LUZP2: variants seen among roughly 807,000 people sequenced by gnomAD.
The protein encoded by LUZP2 is leucine zipper protein 2.
In LUZP2, 52 loss-of-function variants were observed where a neutral mutation model predicts 51.6. The ratio of observed to expected loss-of-function variants is 1.01; its 90% CI spans 0.81 to 1.27. The LOEUF is 1.27. LUZP2 is among the 50% of genes most tolerant of loss of function. LUZP2 has a pLI of 0.00. For synonymous variants in LUZP2, 154 were observed against 137.3 expected (o/e 1.12, Z -0.85); for missense variants, 436 against 395.4 (o/e 1.10, Z -0.87).
intron 1 of LUZP2, among the ~76,000 whole-genome samples, chr11:24,725,324 A>T (rs1272452060): frequency 4.6e-5 from 7 of 152,170 alleles, no homozygotes; most frequent in Admixed American, 4.6e-4. Flanking sequence ...GCCATATTAA[A>T]ATCAGCAGGG....
At chr11:24,751,557 A>T (rs1208489890) in intron 4 of LUZP2, 1 of 975,682 alleles carries the variant, frequency 1.0e-6, no homozygotes, top group Admixed American at 6.2e-5. Flanking sequence ...GGAAGGGTGG[A>T]GTCGTAGTAC....
chr11:24,937,390 G>C (rs1854614433), intron 7 of LUZP2, among the ~76,000 whole-genome samples: 1 of 152,082 alleles, frequency 6.6e-6, no homozygotes. Flanking sequence ...GCTCCTGTCA[G>C]TAAAATATGA....
chr11:24,541,257 GAAA>G (rs3077907), intron 1 of LUZP2, among the ~76,000 whole-genome samples: 7 of 114,180 alleles, frequency 6.1e-5, no homozygotes, highest in East Asian at 5.5e-4. Context: ...TCATCTCAAG[GAAA>G]AAAAAAAAAA....
intron 1 of LUZP2, among the ~76,000 whole-genome samples, chr11:24,548,904 G>A (rs1912139): frequency 0.42 from 63,582 of 151,596 alleles, 13,826 homozygotes; most frequent in African/African-American, 0.51. Context: ...TATTGTATAT[G>A]TTTCATGGTA....
chr11:25,063,009 A>G (rs1426634628), intron 10 of LUZP2, among the ~76,000 whole-genome samples: 1 of 151,388 alleles, frequency 6.6e-6, no homozygotes, highest in Non-Finnish European at 1.5e-5. Context: ...TTTGTTTTAA[A>G]TTTTGTATTT....
In LUZP2 at chr11:24,883,966, A is replaced by G. The variant is rs113228085; in HGVS notation, c.397-22025A>G. On this transcript the variant is annotated intron_variant, in intron 5 of 11. Coordinates refer to ENST00000336930, the MANE Select transcript of LUZP2 (RefSeq NM_001009909.4). ...TCTAGTCCCTCAACTGTGTTTCTAG[A>G]ATGAAGTGGCTTTATTGATGCTGGA... is the stretch of plus-strand genomic sequence containing the variant. Among the ~76,000 whole-genome samples the G allele has an allele frequency of 8.5e-5, 13 of 152,106 alleles. 1 individual carries two copies. The highest frequency in any genetic ancestry group is 3.1e-4 in the African/African-American group (13 of 41,550).
At chr11:24,624,300 G>C (rs1343264089) in intron 1 of LUZP2, among the ~76,000 whole-genome samples, 1 of 151,986 alleles carries the variant, frequency 6.6e-6, no homozygotes, top group Admixed American at 6.6e-5. Flanking sequence ...GTGTGTATTT[G>C]GTGCTGGTAA....
At chr11:24,802,891 G>A (rs1849734350) in intron 5 of LUZP2, among the ~76,000 whole-genome samples, 1 of 152,004 alleles carries the variant, frequency 6.6e-6, no homozygotes, top group Non-Finnish European at 1.5e-5. Context: ...GTTGAAGAGA[G>A]CATCCTCATC....
intron 1 of LUZP2, among the ~76,000 whole-genome samples, chr11:24,511,388 C>G (rs1995838): frequency 0.51 from 77,801 of 151,566 alleles, 21,733 homozygotes; most frequent in African/African-American, 0.75. Context: ...TCTGTCGCTA[C>G]AATTTTTTTA....
At chr11:24,808,874 AT>A (rs1485725454) in intron 5 of LUZP2, among the ~76,000 whole-genome samples, 6 of 152,214 alleles carry the variant, frequency 3.9e-5, no homozygotes, top group African/African-American at 1.4e-4. Context: ...TAGCTATAAT[AT>A]AATCAATTCA....
At chr11:24,543,868 T>A (rs1370024256) in intron 1 of LUZP2, among the ~76,000 whole-genome samples, 2 of 146,452 alleles carry the variant, frequency 1.4e-5, no homozygotes, top group African/African-American at 5.1e-5. Flanking sequence ...GACTGCAATA[T>A]TTCCGGGTAG....
At chr11:24,979,455 T>A (rs1384703992) in intron 8 of LUZP2, among the ~76,000 whole-genome samples, 3 of 151,884 alleles carry the variant, frequency 2.0e-5, no homozygotes, top group Non-Finnish European at 4.4e-5. Flanking sequence ...ATGAGGCTTT[T>A]AAAATACTAT....
chr11:24,660,928 T>C (rs1167488228), intron 1 of LUZP2, among the ~76,000 whole-genome samples: 1 of 152,200 alleles, frequency 6.6e-6, no homozygotes, highest in African/African-American at 2.4e-5. Flanking sequence ...GTCATAGTTT[T>C]ATCAGAAATC....
chr11:24,688,015 CTCTT>C (rs1313838666), intron 1 of LUZP2, among the ~76,000 whole-genome samples: 1 of 152,084 alleles, frequency 6.6e-6, no homozygotes, highest in Non-Finnish European at 1.5e-5. Context: ...CTCTCTGTCT[CTCTT>C]TCTCTCTCTC....
intron 7 of LUZP2, among the ~76,000 whole-genome samples, chr11:24,959,828 C>A (rs561774646): frequency 2.1e-4 from 32 of 152,188 alleles, no homozygotes; most frequent in African/African-American, 7.5e-4. Context: ...CTGTCTTGTG[C>A]CAGTTTTCAA....
intron 1 of LUZP2, among the ~76,000 whole-genome samples, chr11:24,691,850 T>C (rs1857076164): frequency 6.6e-6 from 1 of 152,012 alleles, no homozygotes; most frequent in Non-Finnish European, 1.5e-5. Context: ...CTTTTACTCA[T>C]GTATTTTTTG....
At chr11:24,876,951 C>T (rs1004149275) in intron 5 of LUZP2, among the ~76,000 whole-genome samples, 8 of 152,114 alleles carry the variant, frequency 5.3e-5, no homozygotes, top group African/African-American at 1.9e-4. Context: ...CTTCAAGTAA[C>T]AGAGTCACAA....
At chr11:24,658,526 A>C (rs1855899719) in intron 1 of LUZP2, among the ~76,000 whole-genome samples, 1 of 152,212 alleles carries the variant, frequency 6.6e-6, no homozygotes, top group Non-Finnish European at 1.5e-5. Flanking sequence ...CAAGGACTTC[A>C]TGTCTAAAAC....
intron 10 of LUZP2, among the ~76,000 whole-genome samples, chr11:25,055,092 C>T (rs570461126): frequency 1.5e-3 from 229 of 150,412 alleles, no homozygotes; most frequent in African/African-American, 5.5e-3. Flanking sequence ...CTCACTGCAA[C>T]CTCTGCCTCC....
Sources: gnomAD v4.1 joint callset for allele counts (sites outside exome capture counted in the v4.1 genomes callset) on GRCh38, gnomAD v4.1.1 for gene constraint, MANE v1.5 for transcripts, NCBI Gene and HGNC (gene_info 2026-07-23, HGNC 2026-07-21) for gene names.